Variants in RSPO4 observed in about 807,000 individuals in gnomAD.
RSPO4 encodes R-spondin-4.
In RSPO4, 23 loss-of-function variants were observed where a neutral mutation model predicts 24.8. The ratio of observed to expected loss-of-function variants is 0.93; its 90% CI spans 0.67 to 1.31. The LOEUF (loss-of-function observed/expected upper bound fraction) is 1.31, where lower values mean the gene tolerates loss of function less well. Ranked by LOEUF, RSPO4 falls within the 40% of genes most tolerant of loss-of-function variation. The pLI is 0.00. For synonymous variants in RSPO4, 141 were observed against 127.4 expected, an observed-to-expected ratio of 1.11 and a Z score of -0.72; for missense variants, 333 against 316.5, an observed-to-expected ratio of 1.05 and a Z score of -0.39.
chr20:972,944 AAGT>A (rs143081846), intron 1 of RSPO4, among the ~76,000 whole-genome samples: 1,567 of 152,334 alleles, frequency 0.01, 29 homozygotes, highest in African/African-American at 0.035. Flanking sequence ...CAGAAAAACA[AAGT>A]AGCATTTCCT....
At chr20:975,094 C>A (rs1185886868) in intron 1 of RSPO4, among the ~76,000 whole-genome samples, 3 of 152,142 alleles carry the variant, frequency 2.0e-5, no homozygotes, top group Non-Finnish European at 2.9e-5. Flanking sequence ...TGGTTTTCTT[C>A]TGTCAAATTA....
rs996469039 is a variant in RSPO4 at position 1,001,987 on chromosome 20, C to A, written c.79+99G>T. Reference sequence around the variant, plus strand: ...GGAGCGAAGGACCCAGGGCGCCAGGCACCAGGCAGATGCCCCCAGAGCCGC... The same window carrying A: ...GGAGCGAAGGACCCAGGGCGCCAGGAACCAGGCAGATGCCCCCAGAGCCGC... On this transcript the variant is annotated intron_variant, in intron 1 of 4. Coordinates refer to ENST00000217260, the MANE Select transcript of RSPO4 (RefSeq NM_001029871.4). 25 of 987,264 alleles carry A rather than the reference C, an allele frequency of 2.5e-5. 1 individual carries two copies. In the South Asian group the frequency reaches 3.2e-4, roughly 13 times the overall value. 61.2% of individuals were successfully genotyped at this position (987,264 alleles called of 1,614,324 possible).
rs1027174331 is a variant in RSPO4 at position 1,001,207 on chromosome 20, C to T, written c.79+879G>A. On this transcript the variant is annotated intron_variant, in intron 1 of 4. Transcript: ENST00000217260. ...AACCCGTGGCATAGTGGCTGGCATT[C>T]GGCTGCTGATCTTAAGAGTGGCACC... Among the ~76,000 whole-genome samples, 12 of 152,170 alleles carry T rather than the reference C, an allele frequency of 7.9e-5. No homozygotes were observed. The South Asian group carries it at 1.7e-3, about 21-fold the overall frequency.
intron 1 of RSPO4, among the ~76,000 whole-genome samples, chr20:995,944 C>T (rs1036518318): frequency 5.3e-5 from 8 of 152,246 alleles, no homozygotes; most frequent in African/African-American, 1.9e-4. Context: ...CCCACTCATA[C>T]ACCCATTCAC....
intron 1 of RSPO4, among the ~76,000 whole-genome samples, chr20:974,100 G>A (rs1600092928): frequency 2.6e-5 from 4 of 152,338 alleles, no homozygotes; most frequent in African/African-American, 9.6e-5. Context: ...GTAGAGTGCT[G>A]CTCTAGAAAG....
At chr20:996,226 C>T (rs998898372) in intron 1 of RSPO4, among the ~76,000 whole-genome samples, 1 of 152,224 alleles carries the variant, frequency 6.6e-6, no homozygotes, top group Admixed American at 6.5e-5. Context: ...CGTTCTGTTC[C>T]GTTCCATTCC....
chr20:967,275 A>C lies in RSPO4; in HGVS notation c.308T>G (p.Phe103Cys), dbSNP rs1280586712. The C allele has an allele frequency of 3.1e-6, 5 of 1,614,110 alleles. No homozygotes were observed. In the South Asian group the frequency reaches 4.4e-5, roughly 14 times the overall value. ...AAACTGCCTCTTGCACCGGATGCAG[A>C]AGTCCTGGCTGAAGCAGCTCTCACA... ...ATCESCFSQD[F>C]CIRCKRQFYL... The change falls in exon 3 of 5, where the codon TTC becomes TGC. Residue 103 changes from phenylalanine (F) to cysteine (C), a missense_variant. Coordinates refer to ENST00000217260, the MANE Select transcript of RSPO4 (RefSeq NM_001029871.4).
At position 968,039 on chromosome 20, in the gene RSPO4, C is replaced by T. The variant is rs938541822; in HGVS notation, c.179G>A (p.Arg60Gln). 21 of 1,614,092 alleles carry T rather than the reference C, an allele frequency of 1.3e-5. No individual in the cohort carries two copies. Among genetic ancestry groups the T allele is most frequent in the East Asian group, 1.1e-4 (5 of 44,890 alleles). Reference protein sequence around the residue: ...CQQRLFLFIRREGIRQYGKCL... With the variant: ...CQQRLFLFIRQEGIRQYGKCL... ...CTTGCCGTACTGGCGGATGCCTTCC[C>T]GGCGGATGAACAGGAAGAGCCTCTG... The change falls in exon 2 of 5, where the codon CGG becomes CAG. Residue 60 changes from arginine (R) to glutamine (Q), a missense_variant. By Grantham distance (43) the Arg-to-Gln change is conservative. Coordinates refer to ENST00000217260, the MANE Select transcript of RSPO4 (RefSeq NM_001029871.4).
chr20:1,002,133 A>AATTTTTGTTTATTT lies in RSPO4; in HGVS notation c.31_32insAAATAAACAAAAAT (p.Val11GlufsTer15), dbSNP rs1985489826. 1 of 1,565,484 alleles carries AATTTTTGTTTATTT rather than the reference A, an allele frequency of 6.4e-7. No homozygotes were observed. The highest frequency in any genetic ancestry group is 1.9e-5 in the Admixed American group (1 of 53,682). ...GGCGAGCATGTCCACGGCGTGGGCG[A>AATTTTTGTTTATTT]CGAGCAGGAGCAGGCAGAGTGGCGC... On this transcript the variant is annotated frameshift_variant, in exon 1 of 5. Coordinates refer to ENST00000217260, the MANE Select transcript of RSPO4 (RefSeq NM_001029871.4). LOFTEE classifies it high-confidence loss of function. This position sits in a 1 kb window ranked among gnomAD's most constrained non-coding sequence, Gnocchi z 4.6.
At chr20:990,411 C>A (rs960131980) in intron 1 of RSPO4, among the ~76,000 whole-genome samples, 9 of 152,184 alleles carry the variant, frequency 5.9e-5, no homozygotes, top group Non-Finnish European at 1.2e-4. Flanking sequence ...GCTTTGCACA[C>A]AAACATCCCA....
At chr20:995,251 A>G (rs1985238230) in intron 1 of RSPO4, among the ~76,000 whole-genome samples, 1 of 152,220 alleles carries the variant, frequency 6.6e-6, no homozygotes, top group Non-Finnish European at 1.5e-5. Flanking sequence ...GAAGGTGGTT[A>G]ATGGCAGCAT....
chr20:959,313 C>T lies in RSPO4; in HGVS notation c.*1044G>A, dbSNP rs1983909244. On this transcript the variant is annotated 3_prime_UTR_variant, in exon 5 of 5. Coordinates refer to ENST00000217260, the MANE Select transcript of RSPO4 (RefSeq NM_001029871.4). ...TCAAGTGACCCCCAAATTCTCCTCT[C>T]CACCGTGAATGTGCTGAGCAGAGCC... 1 of 152,576 alleles carries T rather than the reference C, an allele frequency of 6.6e-6. No homozygotes were observed. The highest frequency in any genetic ancestry group is 1.9e-4 in the East Asian group (1 of 5,190). The allele number at this position is 152,576 out of a possible 1,614,324, so 9.5% of individuals were successfully genotyped here. A position where few individuals can be genotyped will look rare whatever the true frequency, so the allele number is the denominator to read the frequency against.
intron 1 of RSPO4, among the ~76,000 whole-genome samples, chr20:995,694 C>T (rs561437561): frequency 1.3e-5 from 2 of 152,324 alleles, no homozygotes; most frequent in South Asian, 2.1e-4. Flanking sequence ...TGCTATACCA[C>T]CCACTGGGCC....
Position 1,002,083 on chromosome 20 carries a change from T to C in RSPO4, c.79+3A>G. The C allele has an allele frequency of 6.4e-7, 1 of 1,553,304 alleles. No individual in the cohort carries two copies. Among genetic ancestry groups the C allele is most frequent in the Non-Finnish European group, 8.7e-7 (1 of 1,147,866 alleles). On this transcript the variant is annotated splice_donor_region_variant and intron_variant, in intron 1 of 4. Transcript: ENST00000217260. This position sits in a 1 kb window ranked among gnomAD's most constrained non-coding sequence, Gnocchi z 4.6. ...GGCCGCCCTGCCCAGCCACCCCTTG[T>C]ACCTTGCTTCTTCCTTCGGTTCAGG...
chr20:997,299 C>T (rs1030764720), intron 1 of RSPO4, among the ~76,000 whole-genome samples: 16 of 152,162 alleles, frequency 1.1e-4, no homozygotes, highest in African/African-American at 2.2e-4. Flanking sequence ...TGGGGCCCCC[C>T]GTGGTGGGGC....
At chr20:968,703 TG>T (rs1984313242) in intron 1 of RSPO4, among the ~76,000 whole-genome samples, 1 of 152,162 alleles carries the variant, frequency 6.6e-6, no homozygotes, top group Non-Finnish European at 1.5e-5. Flanking sequence ...ACATGATGAG[TG>T]GGGTGGGGTG....
chr20:963,808 GATA>G, intron 4 of RSPO4, 124 bp downstream of exon 4: 1 of 956,794 alleles, frequency 1.0e-6, no homozygotes, highest in South Asian at 1.3e-5. Flanking sequence ...TACTCCACAT[GATA>G]GTATGGCTAA....
intron 1 of RSPO4, among the ~76,000 whole-genome samples, chr20:990,841 A>G (rs770281918): frequency 6.6e-6 from 1 of 152,218 alleles, no homozygotes. Context: ...TACCTCCATC[A>G]GAGTAGGGGA....
intron 1 of RSPO4, among the ~76,000 whole-genome samples, chr20:987,492 A>G (rs1426750451): frequency 6.6e-6 from 1 of 152,118 alleles, no homozygotes; most frequent in Non-Finnish European, 1.5e-5. Flanking sequence ...GCTCATTTGT[A>G]AAAGGAACAC....
Sources: allele counts gnomAD v4.1 joint callset (sites outside exome capture counted in the v4.1 genomes callset), GRCh38; gene constraint gnomAD v4.1.1; non-coding constraint Gnocchi (gnomAD v3.1); transcripts MANE v1.5; gene names NCBI Gene and HGNC (gene_info 2026-07-23, HGNC 2026-07-21).